STXBP3: variants seen among roughly 807,000 people sequenced by gnomAD.
The protein encoded by STXBP3 is syntaxin binding protein 3.
STXBP3 carries 41 observed loss-of-function variants against 85.7 expected under a neutral mutation model. That is an observed-to-expected ratio of 0.48 (90% CI 0.37 to 0.62). The LOEUF is 0.62. Among genes scored for constraint, STXBP3 ranks in the 20% least tolerant of loss-of-function variants. The pLI is 0.00. For missense variants in STXBP3, 563 were observed against 703.1 expected (o/e 0.80, Z 2.25); for synonymous variants, 229 against 231.7 (o/e 0.99, Z 0.10).
At position 108,809,176 on chromosome 1, in the gene STXBP3, T is replaced by G. The variant is rs1182023367; in HGVS notation, c.*299T>G. 1 of 213,694 alleles carries G rather than the reference T, an allele frequency of 4.7e-6. No individual in the cohort carries two copies. The highest frequency in any genetic ancestry group is 2.3e-5 in the African/African-American group (1 of 42,860). The allele number at this position is 213,694 out of a possible 1,614,324, so 13.2% of individuals were successfully genotyped here. ...GGGTAATTTTTCACAGCCACCTATG[T>G]ACATACTAATTACCCATTGGATACT... On this transcript the variant is annotated 3_prime_UTR_variant, in exon 19 of 19. Coordinates refer to ENST00000370008, the MANE Select transcript of STXBP3 (RefSeq NM_007269.4).
intron 11 of STXBP3, among the ~76,000 whole-genome samples, chr1:108,790,908 CA>C (rs1662960492): frequency 6.6e-6 from 1 of 151,474 alleles, no homozygotes; most frequent in South Asian, 2.1e-4. Context: ...TTATTTTTTT[CA>C]GAAAGAAAAA....
intron 11 of STXBP3, among the ~76,000 whole-genome samples, chr1:108,791,815 C>G (rs887638150): frequency 6.6e-6 from 1 of 152,166 alleles, no homozygotes; most frequent in Non-Finnish European, 1.5e-5. Context: ...CCCCTTAACT[C>G]AGTCCCCATC....
intron 2 of STXBP3, among the ~76,000 whole-genome samples, chr1:108,752,588 T>G (rs2101101839): frequency 6.6e-6 from 1 of 152,292 alleles, no homozygotes; most frequent in South Asian, 2.1e-4. Context: ...ACTGCTTGGC[T>G]CCAAATACTA....
intron 6 of STXBP3, chr1:108,766,719 T>C (rs1366489656): frequency 6.0e-6 from 1 of 166,422 alleles, no homozygotes; most frequent in Non-Finnish European, 1.3e-5. Context: ...ATATCGGCTC[T>C]TAAATCATAA....
At chr1:108,758,000 A>G (rs983709893) in intron 4 of STXBP3, among the ~76,000 whole-genome samples, 2 of 152,084 alleles carry the variant, frequency 1.3e-5, no homozygotes, top group Non-Finnish European at 2.9e-5. Flanking sequence ...ACAAAATTGT[A>G]TATTCCTCAT....
chr1:108,753,240 A>G, intron 3 of STXBP3, 96 bp downstream of exon 3: 1 of 727,064 alleles, frequency 1.4e-6, no homozygotes, highest in Non-Finnish European at 2.1e-6. Flanking sequence ...TAAGGAGCTT[A>G]TTTTTTTAAA....
intron 11 of STXBP3, among the ~76,000 whole-genome samples, chr1:108,791,564 G>C (rs1662975523): frequency 6.6e-6 from 1 of 151,252 alleles, no homozygotes; most frequent in African/African-American, 2.4e-5. Context: ...CATTGCAACT[G>C]AATGTTCTCT....
At chr1:108,793,033 A>G (rs538554503) in intron 11 of STXBP3, among the ~76,000 whole-genome samples, 13 of 152,012 alleles carry the variant, frequency 8.6e-5, no homozygotes, top group African/African-American at 2.9e-4. Flanking sequence ...TGCCCTGTAC[A>G]TGTGCAGCTT....
chr1:108,808,939 T>C lies in STXBP3; in HGVS notation c.*62T>C. ...ATGTTGAACTAAAATAGAAAGAAAA[T>C]GTTGCTGTCATGTAATTTAAACAAT... On this transcript the variant is annotated 3_prime_UTR_variant, in exon 19 of 19. Coordinates refer to ENST00000370008, the MANE Select transcript of STXBP3 (RefSeq NM_007269.4). The C allele has an allele frequency of 8.8e-7, 1 of 1,137,174 alleles. No homozygotes were observed. The highest frequency in any genetic ancestry group is 1.3e-6 in the Non-Finnish European group (1 of 782,012). 70.4% of individuals were successfully genotyped at this position (1,137,174 alleles called of 1,614,324 possible).
At chr1:108,768,798 A>G (rs1296936388) in intron 6 of STXBP3, among the ~76,000 whole-genome samples, 1 of 152,208 alleles carries the variant, frequency 6.6e-6, no homozygotes, top group Non-Finnish European at 1.5e-5. Flanking sequence ...GGACATCAGC[A>G]CATTTAGAAA....
Position 108,771,820 on chromosome 1 carries a change from ATATC to A in STXBP3, c.439-837_439-834del, listed in dbSNP as rs1283093493. Reference sequence around the variant, plus strand: ...TATATATATCATATATAAATATATGATATCTATCTATATATCATATATAAATACA... The same window carrying A: ...TATATATATCATATATAAATATATGATATCTATATATCATATATAAATACA... On this transcript the variant is annotated intron_variant, in intron 6 of 18. Coordinates refer to ENST00000370008, the MANE Select transcript of STXBP3 (RefSeq NM_007269.4). Among the ~76,000 whole-genome samples the A allele has an allele frequency of 1.7e-3, 43 of 25,412 alleles. 5 individuals carry two copies. Among genetic ancestry groups the A allele is most frequent in the East Asian group, 9.5e-3 (27 of 2,828 alleles). The allele number at this position is 25,412 out of a possible 152,430, so 16.7% of individuals were successfully genotyped here. A position where few individuals can be genotyped will look rare whatever the true frequency, so the allele number is the denominator to read the frequency against.
intron 16 of STXBP3, 136 bp from the exon 17 acceptor site, chr1:108,800,084 C>G: frequency 1.5e-6 from 1 of 653,332 alleles, no homozygotes; most frequent in South Asian, 1.7e-5. Flanking sequence ...TTGTGAGTTT[C>G]AAAGAAAAGA....
chr1:108,794,912 G>T lies in STXBP3; in HGVS notation c.1110+5G>T. 1 of 1,597,964 alleles carries T rather than the reference G, an allele frequency of 6.3e-7. No individual in the cohort carries two copies. The highest frequency in any genetic ancestry group is 8.5e-7 in the Non-Finnish European group (1 of 1,170,740). On this transcript the variant is annotated splice_donor_5th_base_variant and intron_variant, in intron 13 of 18. Transcript: ENST00000370008. ...AAGCTCTGCAAAACTGAACAGGTAT[G>T]TGCAGAGTCAGAAATGCCTCTGTTC...
chr1:108,790,783 A>G (rs970967273), intron 11 of STXBP3, among the ~76,000 whole-genome samples: 2 of 152,032 alleles, frequency 1.3e-5, no homozygotes, highest in African/African-American at 4.8e-5. Context: ...TATGTCCTGA[A>G]TATGTCATGT....
At chr1:108,758,671 A>C in intron 5 of STXBP3, 83 bp downstream of exon 5, 3 of 637,490 alleles carry the variant, frequency 4.7e-6, no homozygotes, top group Non-Finnish European at 7.5e-6. Context: ...TCAGCCCAAA[A>C]TGTCATTAAA....
At chr1:108,803,918 C>T (rs61797350) in intron 17 of STXBP3, among the ~76,000 whole-genome samples, 8,499 of 152,250 alleles carry the variant, frequency 0.056, 258 homozygotes, top group Admixed American at 0.072. Flanking sequence ...CAGGGTTCTA[C>T]TTTAGCTCTT....
At chr1:108,778,899 G>A (rs1354629947) in intron 8 of STXBP3, among the ~76,000 whole-genome samples, 1 of 152,074 alleles carries the variant, frequency 6.6e-6, no homozygotes, top group Non-Finnish European at 1.5e-5. Context: ...TATCTGGAAA[G>A]TCAGCCCTTC....
Position 108,746,727 on chromosome 1 carries a change from G to A in STXBP3, c.-11G>A, listed in dbSNP as rs768314502. ...GGAAGGTGGTGGCTGCTGCTCCGCA[G>A]TGTCGGGAAGATGGCGCCGCCGGTG... On this transcript the variant is annotated 5_prime_UTR_variant, in exon 1 of 19. It adds an upstream start codon to the 5' untranslated region. Transcript: ENST00000370008. 1.9e-6 allele frequency: 3 copies of A among 1,549,470 alleles called. No homozygotes were observed. In the South Asian group the frequency reaches 3.6e-5, roughly 18 times the overall value.
intron 2 of STXBP3, 112 bp from the exon 3 acceptor site, chr1:108,752,951 G>A: frequency 1.4e-6 from 1 of 714,920 alleles, no homozygotes; most frequent in South Asian, 2.8e-5. Flanking sequence ...TTTGCCTACT[G>A]TTCTGATATT....
Sources: gnomAD v4.1 joint callset for allele counts (sites outside exome capture counted in the v4.1 genomes callset) on GRCh38, gnomAD v4.1.1 for gene constraint, MANE v1.5 for transcripts, NCBI Gene and HGNC (gene_info 2026-07-23, HGNC 2026-07-21) for gene names.